The following SQOR variants were observed in gnomAD, a reference collection of about 807,000 sequenced individuals.
SQOR encodes sulfide quinone oxidoreductase, also known as sulfide:quinone oxidoreductase, mitochondrial.
A neutral mutation model predicts 48.6 loss-of-function variants in SQOR; 39 were observed. The observed-to-expected ratio is 0.80, with a 90% confidence interval of 0.62 to 1.05. The LOEUF is 1.05. Among genes scored for constraint, SQOR ranks in the 50% least tolerant of loss-of-function variants. The probability of loss-of-function intolerance (pLI) is 0.00; values close to 1 mark genes in which losing one functional copy is unlikely to be tolerated. For missense variants in SQOR, 561 were observed against 559.9 expected (o/e 1.00, Z -0.02); for synonymous variants, 220 against 206.2 (o/e 1.07, Z -0.57).
At chr15:45,674,447 A>G (rs1890000612) in intron 5 of SQOR, among the ~76,000 whole-genome samples, 1 of 152,180 alleles carries the variant, frequency 6.6e-6, no homozygotes, top group African/African-American at 2.4e-5. Context: ...TCTTAAAAAA[A>G]AAAAAAAAGT....
intron 1 of SQOR, among the ~76,000 whole-genome samples, chr15:45,650,326 T>G (rs543356947): frequency 3.0e-4 from 46 of 152,290 alleles, no homozygotes; most frequent in African/African-American, 1.0e-3. Context: ...TGGGGAGTGT[T>G]ACAGTTCTTA....
chr15:45,675,068 G>A (rs1305051134), intron 5 of SQOR, among the ~76,000 whole-genome samples: 1 of 152,102 alleles, frequency 6.6e-6, no homozygotes, highest in South Asian at 2.1e-4. Flanking sequence ...GTTCATTCTG[G>A]GTCATAAAGG....
At chr15:45,663,434 A>C (rs1421331634) in intron 3 of SQOR, among the ~76,000 whole-genome samples, 1 of 152,186 alleles carries the variant, frequency 6.6e-6, no homozygotes, top group African/African-American at 2.4e-5. Context: ...TAGGGAGTTC[A>C]GAGATTTTCT....
intron 3 of SQOR, among the ~76,000 whole-genome samples, chr15:45,668,636 T>G (rs1889881087): frequency 6.6e-6 from 1 of 152,172 alleles, no homozygotes; most frequent in African/African-American, 2.4e-5. Flanking sequence ...GTTACTTCCC[T>G]TGGCTCCTCA....
intron 5 of SQOR, 112 bp from the exon 6 acceptor site, chr15:45,675,989 T>C (rs1890028592): frequency 9.9e-7 from 1 of 1,014,758 alleles, no homozygotes; most frequent in East Asian, 2.4e-5. Context: ...GACATAATGG[T>C]GGCAAAAGCT....
chr15:45,631,581 GAC>G (rs1427513666), upstream of SQOR: 3 of 152,278 alleles, frequency 2.0e-5, no homozygotes, highest in Non-Finnish European at 4.4e-5. Context: ...GGGCAGGAAA[GAC>G]AGTACTGGAG....
intron 9 of SQOR, 45 bp downstream of exon 9, chr15:45,689,262 C>T (rs1890279285): frequency 1.3e-6 from 2 of 1,592,604 alleles, no homozygotes; most frequent in African/African-American, 1.3e-5. Context: ...GGATTTGTAG[C>T]ACATCTCCAC....
At position 45,659,072 on chromosome 15, in the gene SQOR, G is replaced by A; in HGVS notation, c.149G>A (p.Gly50Asp). Residue 50 changes from glycine to aspartate, a missense_variant, in exon 2 of 10, where the codon GGT becomes GAT. Gly to Asp is a moderately conservative substitution (Grantham distance 94). Coordinates refer to ENST00000260324, the MANE Select transcript of SQOR (RefSeq NM_021199.4). ...ARNHYEVLVL[G>D]GGSGGITMAA... ...AACCATTATGAGGTGCTGGTGCTGG[G>A]TGGGGGCAGTGGCGGAATCACCATG... 2 of 1,594,888 alleles carry A rather than the reference G, an allele frequency of 1.3e-6. No individual in the cohort carries two copies. The highest frequency in any genetic ancestry group is 1.7e-6 in the Non-Finnish European group (2 of 1,171,208).
At position 45,674,069 on chromosome 15, in the gene SQOR, T is replaced by C. The variant is rs74488279; in HGVS notation, c.654+268T>C. 1,513 of 439,248 alleles carry C rather than the reference T, an allele frequency of 3.4e-3. 31 individuals are homozygous for C. The highest frequency in any genetic ancestry group is 0.032 in the East Asian group (728 of 22,820). 27.2% of individuals were successfully genotyped at this position (439,248 alleles called of 1,614,324 possible). ...TACTTAAATATGGTTACAGTCATAGTGTACATGAAAAATTTAGCTGTATTA... is the reference window on the plus strand; with the variant it reads ...TACTTAAATATGGTTACAGTCATAGCGTACATGAAAAATTTAGCTGTATTA... On this transcript the variant is annotated intron_variant, in intron 5 of 9. Coordinates refer to ENST00000260324, the MANE Select transcript of SQOR (RefSeq NM_021199.4).
intron 9 of SQOR, among the ~76,000 whole-genome samples, chr15:45,690,121 C>T (rs112548182): frequency 6.8e-6 from 1 of 147,410 alleles, no homozygotes; most frequent in Non-Finnish European, 1.5e-5. Flanking sequence ...TTGCCCTGCC[C>T]GTGGTGTGAT....
Position 45,676,933 on chromosome 15 carries a change from C to T in SQOR, c.864+623C>T, listed in dbSNP as rs145352707. ...GCACATCCCTGTAATCCCAGCTACC[C>T]GGGAGGCTGAGGCAGGAGAATCGCT... is the stretch of plus-strand genomic sequence containing the variant. On this transcript the variant is annotated intron_variant, in intron 6 of 9. Coordinates refer to ENST00000260324, the MANE Select transcript of SQOR (RefSeq NM_021199.4). Among the ~76,000 whole-genome samples the T allele has an allele frequency of 8.2e-3, 1,244 of 151,760 alleles. 22 individuals carry two copies. The highest frequency in any genetic ancestry group is 0.029 in the African/African-American group (1,182 of 41,426).
At chr15:45,665,687 G>A (rs959760270) in intron 3 of SQOR, among the ~76,000 whole-genome samples, 2 of 151,564 alleles carry the variant, frequency 1.3e-5, no homozygotes, top group Admixed American at 6.6e-5. Flanking sequence ...AGGTTCAAGT[G>A]ATTCTCCTGC....
intron 1 of SQOR, among the ~76,000 whole-genome samples, chr15:45,651,354 C>A (rs747999720): frequency 6.6e-6 from 1 of 152,184 alleles, no homozygotes; most frequent in African/African-American, 2.4e-5. Context: ...CCGCGAGCGT[C>A]GCTGGCAGCC....
chr15:45,669,913 C>G lies in SQOR; in HGVS notation c.406-15C>G. ...CTTGAGTCCTGGTCTAAAATAATGT[C>G]TTTTTGTGTTGCAGATCTCCTACCG... On this transcript the variant is annotated splice_polypyrimidine_tract_variant and intron_variant, in intron 3 of 9. Transcript: ENST00000260324. 2 of 1,612,930 alleles carry G rather than the reference C, an allele frequency of 1.2e-6. No individual in the cohort carries two copies. Among genetic ancestry groups the G allele is most frequent in the Non-Finnish European group, 1.7e-6 (2 of 1,178,952 alleles).
At chr15:45,639,693 A>G (rs971302677) in intron 1 of SQOR, among the ~76,000 whole-genome samples, 1 of 152,202 alleles carries the variant, frequency 6.6e-6, no homozygotes, top group Non-Finnish European at 1.5e-5. Context: ...TTTAACAACC[A>G]CCATGTTTGG....
At chr15:45,674,183 T>A (rs1205289207) in intron 5 of SQOR, among the ~76,000 whole-genome samples, 1 of 152,216 alleles carries the variant, frequency 6.6e-6, no homozygotes, top group Non-Finnish European at 1.5e-5. Context: ...TCGCCTCTAA[T>A]CCCAGCACTT....
chr15:45,647,336 T>TTTC (rs976133941), intron 1 of SQOR, among the ~76,000 whole-genome samples: 2 of 151,516 alleles, frequency 1.3e-5, no homozygotes, highest in African/African-American at 4.8e-5. Flanking sequence ...AACTTTTTTT[T>TTTC]TTTTTTTTGA....
At chr15:45,686,855 G>T (rs909029771) in intron 7 of SQOR, among the ~76,000 whole-genome samples, 7 of 152,176 alleles carry the variant, frequency 4.6e-5, no homozygotes, top group African/African-American at 1.7e-4. Context: ...CCGTCATGCA[G>T]GCTGGAGGGC....
chr15:45,674,922 C>T (rs531135979), intron 5 of SQOR, among the ~76,000 whole-genome samples: 17 of 152,174 alleles, frequency 1.1e-4, no homozygotes, highest in Middle Eastern at 6.8e-3. Context: ...TGGGGAAGAA[C>T]GGGCTGGGGA....
Sources: allele counts gnomAD v4.1 joint callset (sites outside exome capture counted in the v4.1 genomes callset), GRCh38; gene constraint gnomAD v4.1.1; transcripts MANE v1.5; gene names NCBI Gene and HGNC (gene_info 2026-07-23, HGNC 2026-07-21).